AK4: variants seen among roughly 807,000 people sequenced by gnomAD.
AK4 encodes the protein adenylate kinase 4.
AK4 carries 13 observed loss-of-function variants against 24.6 expected under a neutral mutation model. The observed-to-expected ratio is 0.53, with a 90% CI of 0.34 to 0.84. The LOEUF is 0.84. AK4 is among the 40% of genes least tolerant of loss of function. AK4 has a pLI of 0.01. For missense variants in AK4, 192 were observed against 288.2 expected (o/e 0.67, Z 2.42); for synonymous variants, 88 against 107.0 (o/e 0.82, Z 1.10).
chr1:65,167,880 C>T (rs1041775341), intron 1 of AK4, among the ~76,000 whole-genome samples: 1 of 152,148 alleles, frequency 6.6e-6, no homozygotes, highest in Non-Finnish European at 1.5e-5. Context: ...TCCATTTGTC[C>T]AACTTCAGTC....
intron 1 of AK4, among the ~76,000 whole-genome samples, chr1:65,187,207 C>T (rs527256491): frequency 5.9e-5 from 9 of 151,954 alleles, no homozygotes; most frequent in African/African-American, 2.2e-4. Context: ...ATTAGCTGGG[C>T]ATGGTGGCGG....
intron 2 of AK4, among the ~76,000 whole-genome samples, chr1:65,192,549 C>A (rs1013535017): frequency 3.3e-5 from 5 of 152,196 alleles, no homozygotes; most frequent in Non-Finnish European, 2.9e-5. Flanking sequence ...GTGTCCTTCT[C>A]ACATGCAAAA....
chr1:65,222,002 G>C (rs1889924), intron 3 of AK4, among the ~76,000 whole-genome samples: 42,410 of 152,046 alleles, frequency 0.28, 6,796 homozygotes, highest in East Asian at 0.69. Context: ...GAAGAGAAGA[G>C]AAAGAGAAAC....
At chr1:65,202,391 C>A (rs1016469191) in intron 2 of AK4, among the ~76,000 whole-genome samples, 1 of 151,938 alleles carries the variant, frequency 6.6e-6, no homozygotes, top group South Asian at 2.1e-4. Flanking sequence ...AGTGAGACTC[C>A]GTCTCAAAAA....
At chr1:65,148,052 A>C, upstream of AK4, 1 of 202,196 alleles carries the variant, frequency 4.9e-6, no homozygotes, top group Non-Finnish European at 9.8e-6. Context: ...GGAGTTAAGG[A>C]TGAAGGTGGG....
intron 1 of AK4, among the ~76,000 whole-genome samples, chr1:65,167,485 A>G (rs1229443762): frequency 2.0e-5 from 3 of 147,228 alleles, no homozygotes; most frequent in Non-Finnish European, 3.0e-5. Flanking sequence ...CACTTGTATT[A>G]CTTTAGTGGC....
intron 3 of AK4, among the ~76,000 whole-genome samples, chr1:65,219,176 GATAA>G (rs1652222571): frequency 6.6e-6 from 1 of 151,118 alleles, no homozygotes; most frequent in Non-Finnish European, 1.5e-5. Context: ...ATTTATTACT[GATAA>G]ATATATGTAT....
chr1:65,184,754 G>A (rs1422540938), intron 1 of AK4, among the ~76,000 whole-genome samples: 1 of 152,148 alleles, frequency 6.6e-6, no homozygotes, highest in Non-Finnish European at 1.5e-5. Context: ...CTTCTGACAG[G>A]GTGTTTTATT....
intron 1 of AK4, among the ~76,000 whole-genome samples, chr1:65,180,325 G>A (rs1456577184): frequency 6.6e-6 from 1 of 152,218 alleles, no homozygotes; most frequent in Non-Finnish European, 1.5e-5. Context: ...GCATGCACCT[G>A]TGTTCCCAGC....
At chr1:65,217,273 A>G (rs1261612152) in intron 2 of AK4, among the ~76,000 whole-genome samples, 1 of 152,206 alleles carries the variant, frequency 6.6e-6, no homozygotes. Flanking sequence ...AGTGCTGCAT[A>G]TTCATGTTTG....
chr1:65,210,749 G>A (rs1029737441), intron 2 of AK4, among the ~76,000 whole-genome samples: 1 of 151,900 alleles, frequency 6.6e-6, no homozygotes, highest in African/African-American at 2.4e-5. Context: ...GTCCCACATT[G>A]CCTTCATTTT....
intron 1 of AK4, among the ~76,000 whole-genome samples, chr1:65,152,342 CTCTCTCTCTCTCTCTCTCTATATATA>C: frequency 2.3e-5 from 1 of 42,562 alleles, no homozygotes; most frequent in African/African-American, 1.1e-4. Flanking sequence ...CTCTCTCTCT[CTCTCTCTCTCTCTCTCTCTATATATA>C]TATATATATA....
intron 2 of AK4, among the ~76,000 whole-genome samples, chr1:65,212,705 AG>A (rs1417036370): frequency 6.6e-6 from 1 of 152,056 alleles, no homozygotes; most frequent in Non-Finnish European, 1.5e-5. Flanking sequence ...CCCAGGCTGG[AG>A]GATTCTTTTT....
At chr1:65,167,086 C>G (rs569298132) in intron 1 of AK4, among the ~76,000 whole-genome samples, 54 of 152,302 alleles carry the variant, frequency 3.5e-4, no homozygotes, top group Middle Eastern at 6.8e-3. Context: ...GAGCCAAGAT[C>G]ACACCACTGC....
chr1:65,166,000 G>C (rs1650317787), intron 1 of AK4: 1 of 152,314 alleles, frequency 6.6e-6, no homozygotes, highest in South Asian at 2.1e-4. Flanking sequence ...GGTATCTGGT[G>C]GCCTTCGGCA....
intron 2 of AK4, among the ~76,000 whole-genome samples, chr1:65,212,745 G>A (rs1290931399): frequency 6.6e-6 from 1 of 152,158 alleles, no homozygotes. Flanking sequence ...GCCTGATACA[G>A]CAGCATCGTT....
At chr1:65,198,676 G>A (rs992331919) in intron 2 of AK4, among the ~76,000 whole-genome samples, 1 of 151,974 alleles carries the variant, frequency 6.6e-6, no homozygotes, top group Non-Finnish European at 1.5e-5. Flanking sequence ...AAAGATGGGT[G>A]TGTGTTTAGA....
At chr1:65,197,925 G>A (rs1421839593) in intron 2 of AK4, among the ~76,000 whole-genome samples, 1 of 152,118 alleles carries the variant, frequency 6.6e-6, no homozygotes, top group African/African-American at 2.4e-5. Context: ...AATGCCAAGG[G>A]TAATTTTTTT....
chr1:65,152,387 T>TA (rs1195919486), intron 1 of AK4, among the ~76,000 whole-genome samples: 4 of 29,266 alleles, frequency 1.4e-4, no homozygotes, highest in African/African-American at 8.5e-4. Flanking sequence ...TATATATATT[T>TA]TTTTTTTTTT....
Sources: gnomAD v4.1 joint callset for allele counts (sites outside exome capture counted in the v4.1 genomes callset) on GRCh38, gnomAD v4.1.1 for gene constraint, MANE v1.5 for transcripts, NCBI Gene and HGNC (gene_info 2026-07-23, HGNC 2026-07-21) for gene names.